The following SRBD1 variants were observed in gnomAD, a reference collection of about 807,000 sequenced individuals.
SRBD1 encodes the protein S1 RNA binding domain 1.
SRBD1 carries 88 observed loss-of-function variants against 115.3 expected under a neutral mutation model. The observed-to-expected ratio is 0.76, with a 90% CI of 0.64 to 0.91. SRBD1 has a LOEUF of 0.91. Among genes scored for constraint, SRBD1 ranks in the 40% least tolerant of loss-of-function variants. SRBD1 has a pLI of 0.00. For synonymous variants in SRBD1, 509 were observed against 407.7 expected, an observed-to-expected ratio of 1.25 and a Z score of -2.99; for missense variants, 1,385 against 1,177.4, an observed-to-expected ratio of 1.18 and a Z score of -2.58.
At chr2:45,424,139 C>A (rs1668084968) in intron 16 of SRBD1, among the ~76,000 whole-genome samples, 1 of 152,028 alleles carries the variant, frequency 6.6e-6, no homozygotes, top group Non-Finnish European at 1.5e-5. Context: ...ATGCTCAAAT[C>A]ATCAATTTTC....
intron 14 of SRBD1, among the ~76,000 whole-genome samples, chr2:45,509,420 C>T (rs1161454305): frequency 6.6e-6 from 1 of 151,988 alleles, no homozygotes; most frequent in Non-Finnish European, 1.5e-5. Context: ...CACAGTGAAA[C>T]CCCATCTCTA....
intron 14 of SRBD1, among the ~76,000 whole-genome samples, chr2:45,536,093 T>G (rs6544825): frequency 0.4 from 59,923 of 151,694 alleles, 13,058 homozygotes; most frequent in African/African-American, 0.59. Context: ...TTTTTCTGGT[T>G]GCAAAGCCCC....
At chr2:45,462,103 G>C (rs1669334602) in intron 16 of SRBD1, among the ~76,000 whole-genome samples, 1 of 152,340 alleles carries the variant, frequency 6.6e-6, no homozygotes. Context: ...GGTGTTGAAA[G>C]TTAAGGTCCA....
intron 19 of SRBD1, among the ~76,000 whole-genome samples, chr2:45,402,954 C>T (rs1468876732): frequency 1.3e-5 from 2 of 152,142 alleles, no homozygotes; most frequent in Non-Finnish European, 2.9e-5. Context: ...CCTAAATAGG[C>T]TGTTTCTGGG....
chr2:45,509,569 C>G (rs1670901592), intron 14 of SRBD1, among the ~76,000 whole-genome samples: 1 of 145,898 alleles, frequency 6.9e-6, no homozygotes, highest in Non-Finnish European at 1.5e-5. Flanking sequence ...GCACTCCAGC[C>G]TGGAGGACAC....
At chr2:45,524,717 C>T (rs1436148802) in intron 14 of SRBD1, among the ~76,000 whole-genome samples, 1 of 151,940 alleles carries the variant, frequency 6.6e-6, no homozygotes. Context: ...GGACAATAAT[C>T]CCCAAACTGA....
chr2:45,492,294 G>A lies in SRBD1; in HGVS notation c.1875-3963C>T, dbSNP rs183477660. On this transcript the variant is annotated intron_variant, in intron 14 of 20. Transcript: ENST00000263736. ...ATGACAGATTGTATGTTGATGAACC[G>A]TTTAAAACTAGGTTTTCAAAAAACT... 2.2e-3 allele frequency among the ~76,000 whole-genome samples: 330 copies of A among 152,148 alleles called. 2 individuals carry two copies. The highest frequency in any genetic ancestry group is 3.6e-3 in the Non-Finnish European group (245 of 68,010).
chr2:45,546,909 C>G lies in SRBD1; in HGVS notation c.1767-70G>C, dbSNP rs570765884. The G allele has an allele frequency of 4.3e-6, 6 of 1,397,732 alleles. No homozygotes were observed. In the South Asian group the frequency reaches 4.6e-5, roughly 11 times the overall value. The allele number at this position is 1,397,732 out of a possible 1,614,324, so 86.6% of individuals were successfully genotyped here. On this transcript the variant is annotated intron_variant, in intron 13 of 20. Transcript: ENST00000263736. The stretch of plus-strand genomic sequence containing the variant: ...TTTGAAATCAGCTGGAGAAAATGTA[C>G]AGAATGCACAAATACTATTATATGA...
At chr2:45,539,869 C>G (rs1333227882) in intron 14 of SRBD1, among the ~76,000 whole-genome samples, 1 of 152,090 alleles carries the variant, frequency 6.6e-6, no homozygotes, top group Non-Finnish European at 1.5e-5. Context: ...CCAGCAATTA[C>G]AGCATATAGC....
intron 14 of SRBD1, among the ~76,000 whole-genome samples, chr2:45,509,413 A>G (rs567015339): frequency 6.6e-6 from 1 of 151,968 alleles, no homozygotes. Flanking sequence ...TGGCTAACAC[A>G]GTGAAACCCC....
intron 16 of SRBD1, among the ~76,000 whole-genome samples, chr2:45,428,346 C>G (rs1177882016): frequency 1.3e-5 from 2 of 151,988 alleles, no homozygotes; most frequent in Admixed American, 6.6e-5. Context: ...GTCAGGAGAT[C>G]CAGACCACCC....
chr2:45,413,124 T>C lies in SRBD1; in HGVS notation c.2503A>G (p.Ile835Val), dbSNP rs770600581. Residue 835 changes from isoleucine to valine, a missense_variant, in exon 19 of 21, where the codon ATA becomes GTA. Transcript: ENST00000263736. ...GGGCCTCAGACTTACCTCATTGCTATGTCATATGATTCTGGATGAATACAA... is the reference window on the plus strand; with the variant it reads ...GGGCCTCAGACTTACCTCATTGCTACGTCATATGATTCTGGATGAATACAA... The part of the protein sequence containing the change: ...QTCIHPESYD[I>V]AMRFLSSIGG... 2 of 1,613,676 alleles carry C rather than the reference T, an allele frequency of 1.2e-6. No homozygotes were observed. Among genetic ancestry groups the C allele is most frequent in the Non-Finnish European group, 1.7e-6 (2 of 1,179,806 alleles).
chr2:45,396,415 T>A (rs1311521473), intron 19 of SRBD1, among the ~76,000 whole-genome samples: 1 of 152,118 alleles, frequency 6.6e-6, no homozygotes, highest in Admixed American at 6.6e-5. Flanking sequence ...ATTATTAAAG[T>A]CATATTCTCA....
rs1667674510 is a variant in SRBD1, at chr2:45,413,719, G to C, written c.2334-426C>G. ...GAGGCAGGCAGATCACCTGAGGTCA[G>C]GAGTTCGAGACCAGCCTGGCCAACA... On this transcript the variant is annotated intron_variant, in intron 18 of 20. Coordinates refer to ENST00000263736, the MANE Select transcript of SRBD1 (RefSeq NM_018079.5). Among the ~76,000 whole-genome samples the C allele has an allele frequency of 2.0e-5, 3 of 152,236 alleles. No individual in the cohort carries two copies. The Middle Eastern group carries it at 0.01, about 518-fold the overall frequency.
intron 19 of SRBD1, among the ~76,000 whole-genome samples, chr2:45,399,718 C>T (rs569282320): frequency 6.6e-6 from 1 of 152,146 alleles, no homozygotes; most frequent in East Asian, 1.9e-4. Context: ...TTTTTTAAAC[C>T]AAATTCAAAA....
At chr2:45,588,568 C>A (rs1053914312) in intron 4 of SRBD1, among the ~76,000 whole-genome samples, 6 of 152,184 alleles carry the variant, frequency 3.9e-5, no homozygotes, top group Non-Finnish European at 2.9e-5. Context: ...ACTGTGGCCA[C>A]CTCTCTCCAT....
At chr2:45,535,170 T>C (rs1332809961) in intron 14 of SRBD1, among the ~76,000 whole-genome samples, 2 of 151,996 alleles carry the variant, frequency 1.3e-5, no homozygotes, top group African/African-American at 2.4e-5. Context: ...TGTGGCACAC[T>C]AGAGACCTCA....
chr2:45,389,962 T>G (rs6719211), intron 20 of SRBD1, among the ~76,000 whole-genome samples: 31,115 of 152,076 alleles, frequency 0.2, 3,561 homozygotes, highest in African/African-American at 0.31. Context: ...AAGTAAGACC[T>G]TTGGAAACAA....
rs183539716 is a variant in SRBD1 at position 45,600,169 on chromosome 2, T to C, written c.262-334A>G. Among the ~76,000 whole-genome samples the C allele has an allele frequency of 1.0e-3, 153 of 152,088 alleles. 2 individuals carry two copies. Among genetic ancestry groups the C allele is most frequent in the African/African-American group, 3.1e-3 (128 of 41,446 alleles). On this transcript the variant is annotated intron_variant, in intron 3 of 20. Coordinates refer to ENST00000263736, the MANE Select transcript of SRBD1 (RefSeq NM_018079.5). ...ACACAAACCTACATGTGCGATAAAATTGCACAGAACCAAGTACATACATAT... is the reference window on the plus strand; with the variant it reads ...ACACAAACCTACATGTGCGATAAAACTGCACAGAACCAAGTACATACATAT...
Sources: gnomAD v4.1 joint callset for allele counts (sites outside exome capture counted in the v4.1 genomes callset) on GRCh38, gnomAD v4.1.1 for gene constraint, MANE v1.5 for transcripts, NCBI Gene and HGNC (gene_info 2026-07-23, HGNC 2026-07-21) for gene names.